Variants in PRMT2 observed in about 807,000 individuals in gnomAD.
The protein encoded by PRMT2 is protein arginine N-methyltransferase 2.
In PRMT2, 26 loss-of-function variants were observed where a neutral mutation model predicts 57.6. The ratio of observed to expected loss-of-function variants is 0.45; its 90% CI spans 0.33 to 0.63. The LOEUF is 0.63. Among genes scored for constraint, PRMT2 ranks in the 20% least tolerant of loss-of-function variants. The probability of loss-of-function intolerance (pLI) is 0.02; values close to 1 mark genes in which losing one functional copy is unlikely to be tolerated. For missense variants in PRMT2, 472 were observed against 564.4 expected, an observed-to-expected ratio of 0.84 and a Z score of 1.66; for synonymous variants, 219 against 220.0, an observed-to-expected ratio of 1.00 and a Z score of 0.04.
In PRMT2 at chr21:46,663,449, G is replaced by A; in HGVS notation, c.1164G>A (p.Val388=). The A allele has an allele frequency of 6.2e-7, 1 of 1,614,200 alleles. No homozygotes were observed. The highest frequency in any genetic ancestry group is 8.5e-7 in the Non-Finnish European group (1 of 1,180,030). The change falls in exon 11 of 12, where the codon GTG becomes GTA. Residue 388 remains valine, a synonymous_variant. Transcript: ENST00000355680. ...CAGTCCCTGTCCATACAGGAGACGT[G>A]GTCACGGGTTCAGTTGTGTTGCAGA... ...DDPVPVHTGD[V]VTGSVVLQRN...
chr21:46,646,443 A>AT (rs1385390879), intron 5 of PRMT2, among the ~76,000 whole-genome samples: 1 of 152,034 alleles, frequency 6.6e-6, no homozygotes, highest in Non-Finnish European at 1.5e-5. Flanking sequence ...CACCTAATGT[A>AT]TTTTACGTTT....
Position 46,664,212 on chromosome 21 carries a change from C to T in PRMT2, c.1270-83C>T, listed in dbSNP as rs1457380300. The T allele has an allele frequency of 9.0e-6, 11 of 1,226,184 alleles. No homozygotes were observed. The African/African-American group carries it at 1.3e-4, about 15-fold the overall frequency. The allele number at this position is 1,226,184 out of a possible 1,614,324, so 76.0% of individuals were successfully genotyped here. The stretch of plus-strand genomic sequence containing the variant: ...CTGCACCTGAATACTGTTCTCTTGT[C>T]CAATATTAAACCATTAGGAAATGTA... On this transcript the variant is annotated intron_variant, in intron 11 of 11. Transcript: ENST00000355680.
At position 46,664,381 on chromosome 21, in the gene PRMT2, C is replaced by G; in HGVS notation, c.*54C>G. 2 of 1,611,484 alleles carry G rather than the reference C, an allele frequency of 1.2e-6. No homozygotes were observed. The highest frequency in any genetic ancestry group is 1.7e-6 in the Non-Finnish European group (2 of 1,177,862). On this transcript the variant is annotated 3_prime_UTR_variant, in exon 12 of 12. Transcript: ENST00000355680. ...TGCATATCTTGAGGGGTGATGAACA[C>G]AAGCAAACCAAGTTGCACCTGGCTT...
In PRMT2 at chr21:46,661,944, TGCGGGGCGCGGGCACGGG is replaced by T; in HGVS notation, c.1097+10_1097+27del. On this transcript the variant is annotated intron_variant, in intron 10 of 11. Transcript: ENST00000355680. ...CACCGGGCCCTTCCACCCGTGAGTG[TGCGGGGCGCGGGCACGGG>T]GTGCGGGGTGGGGGGCAGGGGAGTA... 3.1e-6 allele frequency: 3 copies of T among 971,218 alleles called. No homozygotes were observed. The highest frequency in any genetic ancestry group is 2.6e-6 in the Non-Finnish European group (2 of 782,412). 60.2% of individuals were successfully genotyped at this position (971,218 alleles called of 1,614,324 possible).
Position 46,653,919 on chromosome 21 carries a change from G to A in PRMT2, c.654+4180G>A, listed in dbSNP as rs918062942. On this transcript the variant is annotated intron_variant, in intron 7 of 11. Transcript: ENST00000355680. ...GTCTGCACTGGGACAAAAAATGACA[G>A]CCTTTTTTCTTTTCTTGTTTTTTTT... 16 of 1,006,522 alleles carry A rather than the reference G, an allele frequency of 1.6e-5. No homozygotes were observed. The African/African-American group carries it at 2.8e-4, about 18-fold the overall frequency. 62.3% of individuals were successfully genotyped at this position (1,006,522 alleles called of 1,614,324 possible).
At chr21:46,644,551 T>A in intron 5 of PRMT2, 63 bp downstream of exon 5, 1 of 1,477,018 alleles carries the variant, frequency 6.8e-7, no homozygotes, top group African/African-American at 1.4e-5. Flanking sequence ...GCTTTAGTTC[T>A]ACTGCAACGT....
intron 10 of PRMT2, among the ~76,000 whole-genome samples, 174 bp downstream of exon 10, chr21:46,662,110 T>G (rs1569165989): frequency 6.6e-6 from 1 of 150,966 alleles, no homozygotes; most frequent in Non-Finnish European, 1.5e-5. Flanking sequence ...GCACGGGTGG[T>G]GTAGACACCG....
chr21:46,641,686 C>T (rs2061277845), intron 3 of PRMT2, among the ~76,000 whole-genome samples: 1 of 150,380 alleles, frequency 6.6e-6, no homozygotes, highest in South Asian at 2.1e-4. Context: ...AGCGAGACTC[C>T]ATCCTAAAAA....
chr21:46,655,373 A>G (rs2148994163), intron 7 of PRMT2, among the ~76,000 whole-genome samples: 1 of 152,196 alleles, frequency 6.6e-6, no homozygotes, highest in East Asian at 1.9e-4. Flanking sequence ...ACAAAAAAAG[A>G]AACTATCCTT....
At chr21:46,663,257 G>A (rs2149007033) in intron 10 of PRMT2, 126 bp from the exon 11 acceptor site, 1 of 884,784 alleles carries the variant, frequency 1.1e-6, no homozygotes, top group Non-Finnish European at 1.7e-6. Context: ...GGCCCTCAGG[G>A]TGGACTGCCG....
At chr21:46,643,462 C>T in intron 3 of PRMT2, 73 bp from the exon 4 acceptor site, 1 of 1,381,416 alleles carries the variant, frequency 7.2e-7, no homozygotes. Context: ...TGAAACCATC[C>T]TAATAATATA....
chr21:46,645,725 T>G (rs922110470), intron 5 of PRMT2, among the ~76,000 whole-genome samples: 1 of 151,864 alleles, frequency 6.6e-6, no homozygotes, highest in African/African-American at 2.4e-5. Flanking sequence ...GTTTTTGTTT[T>G]TTTTTTTTTG....
intron 4 of PRMT2, 23 bp downstream of exon 4, chr21:46,643,662 G>A (rs2061318950): frequency 6.3e-7 from 1 of 1,575,036 alleles, no homozygotes; most frequent in Non-Finnish European, 8.6e-7. Context: ...GGTGGTTAAT[G>A]CTTTATGGCT....
At position 46,661,845 on chromosome 21, in the gene PRMT2, C is replaced by G; in HGVS notation, c.1006C>G (p.Leu336Val). 6.6e-7 allele frequency: 1 copy of G among 1,514,520 alleles called. No individual in the cohort carries two copies. Among genetic ancestry groups the G allele is most frequent in the South Asian group, 1.2e-5 (1 of 80,206 alleles). 93.8% of individuals were successfully genotyped at this position (1,514,520 alleles called of 1,614,324 possible). The change falls in exon 10 of 12, where the codon CTG (leucine) becomes GTG (valine). Residue 336 changes from leucine to valine, a missense_variant. By Grantham distance (32) the Leu-to-Val change is conservative. Around this residue, in one of 2 missense-constraint regions of PRMT2, gnomAD observed 229 missense variants for 217.2 expected, o/e 1.05. Coordinates refer to ENST00000355680, the MANE Select transcript of PRMT2 (RefSeq NM_206962.4). ...CTTCGACATCAGGAAGGCGGGGACCCTGCACGGCTTCACGGCCTGGTTTAG... is the reference window on the plus strand; with the variant it reads ...CTTCGACATCAGGAAGGCGGGGACCGTGCACGGCTTCACGGCCTGGTTTAG... The part of the protein sequence containing the change: ...LRFDIRKAGT[L>V]HGFTAWFSVH...
intron 10 of PRMT2, among the ~76,000 whole-genome samples, chr21:46,663,129 A>G (rs973536094): frequency 6.6e-6 from 1 of 152,192 alleles, no homozygotes; most frequent in African/African-American, 2.4e-5. Flanking sequence ...CATTGGCAGG[A>G]TCTGTCTCAC....
At chr21:46,643,059 G>A in intron 3 of PRMT2, among the ~76,000 whole-genome samples, 1 of 151,988 alleles carries the variant, frequency 6.6e-6, no homozygotes, top group Admixed American at 6.6e-5. Context: ...TGGAGGGGTT[G>A]GGGGAGGCTC....
intron 10 of PRMT2, among the ~76,000 whole-genome samples, chr21:46,663,086 T>C (rs1419681807): frequency 2.0e-5 from 3 of 152,232 alleles, no homozygotes; most frequent in Admixed American, 2.0e-4. Flanking sequence ...CCTCCTGGAA[T>C]CTGAGTGGTC....
At chr21:46,656,968 A>G (rs1480864111) in intron 7 of PRMT2, 1 of 152,234 alleles carries the variant, frequency 6.6e-6, no homozygotes, top group African/African-American at 2.4e-5. Context: ...CTCAACAGGA[A>G]GAAAACAAGC....
chr21:46,641,666 T>C (rs763307302), intron 3 of PRMT2, among the ~76,000 whole-genome samples: 13 of 151,882 alleles, frequency 8.6e-5, no homozygotes, highest in Non-Finnish European at 1.8e-4. Flanking sequence ...CACTCCAGCC[T>C]AGGCGACAGA....
Sources: gnomAD v4.1 joint callset for allele counts (sites outside exome capture counted in the v4.1 genomes callset) on GRCh38, gnomAD v4.1.1 for gene constraint, gnomAD v4.1.1 regional missense constraint, MANE v1.5 for transcripts, NCBI Gene and HGNC (gene_info 2026-07-23, HGNC 2026-07-21) for gene names.